Variants in GFOD2 observed in about 807,000 individuals in gnomAD.
The protein encoded by GFOD2 is glucose-fructose oxidoreductase domain-containing protein 2.
Under a neutral mutation model 24.6 loss-of-function variants are expected in GFOD2, and 9 were observed. The ratio of observed to expected loss-of-function variants is 0.37; its 90% CI spans 0.22 to 0.64. The LOEUF is 0.64. Among genes scored for constraint, GFOD2 ranks in the 30% least tolerant of loss-of-function variants. The pLI is 0.65. For synonymous variants in GFOD2, 211 were observed against 224.8 expected (o/e 0.94, Z 0.55); for missense variants, 476 against 532.5 (o/e 0.89, Z 1.04).
intron 1 of GFOD2, among the ~76,000 whole-genome samples, chr16:67,708,096 T>C (rs2053450632): frequency 6.6e-6 from 1 of 152,206 alleles, no homozygotes; most frequent in Non-Finnish European, 1.5e-5. Flanking sequence ...TACATGGTGG[T>C]ACAACTGTCA....
rs762980341 is a variant in GFOD2, at chr16:67,685,635, C to T, written c.81G>A (p.Gly27=). The T allele has an allele frequency of 5.6e-6, 9 of 1,614,058 alleles. No homozygotes were observed. The highest frequency in any genetic ancestry group is 7.6e-6 in the Non-Finnish European group (9 of 1,180,052). The change falls in exon 2 of 3, where the codon GGG becomes GGA. Residue 27 remains glycine (G), a synonymous_variant. Coordinates refer to ENST00000268797, the MANE Select transcript of GFOD2 (RefSeq NM_030819.4). ...RVLVPLLRAE[G]FTVEALWGKT... ...TCCCCCACAGGGCCTCAACAGTGAA[C>T]CCTTCTGCCCTCAGCAGTGGGACCA...
chr16:67,691,053 G>C (rs568460786), intron 1 of GFOD2, among the ~76,000 whole-genome samples: 1 of 152,062 alleles, frequency 6.6e-6, no homozygotes, highest in Non-Finnish European at 1.5e-5. Context: ...TAGTAGAGAT[G>C]GGGTTTCACC....
intron 1 of GFOD2, among the ~76,000 whole-genome samples, chr16:67,690,355 T>C (rs1412017240): frequency 6.6e-6 from 1 of 152,130 alleles, no homozygotes; most frequent in African/African-American, 2.4e-5. Flanking sequence ...GTGTTTTTTG[T>C]TGGTTAGCCG....
intron 1 of GFOD2, among the ~76,000 whole-genome samples, chr16:67,691,065 T>C (rs1261285676): frequency 3.3e-5 from 5 of 152,180 alleles, no homozygotes; most frequent in Non-Finnish European, 7.3e-5. Flanking sequence ...GGTTTCACCA[T>C]GTTGGCCAGG....
chr16:67,696,044 C>A (rs1461340063), intron 1 of GFOD2, among the ~76,000 whole-genome samples: 1 of 148,898 alleles, frequency 6.7e-6, no homozygotes, highest in Non-Finnish European at 1.5e-5. Context: ...GAGTTTCGCT[C>A]TTTTTGCCCA....
intron 2 of GFOD2, among the ~76,000 whole-genome samples, chr16:67,679,572 A>C (rs899126238): frequency 1.3e-5 from 2 of 151,742 alleles, no homozygotes; most frequent in African/African-American, 4.8e-5. Context: ...AATCTGATTT[A>C]GTTTCTTCTT....
At chr16:67,691,151 A>G (rs1403579166) in intron 1 of GFOD2, among the ~76,000 whole-genome samples, 2 of 152,198 alleles carry the variant, frequency 1.3e-5, no homozygotes, top group Non-Finnish European at 2.9e-5. Flanking sequence ...GGTGTGAGCC[A>G]CTGTGCCTGG....
intron 1 of GFOD2, among the ~76,000 whole-genome samples, chr16:67,690,304 T>G (rs2053301392): frequency 6.6e-6 from 1 of 152,190 alleles, no homozygotes; most frequent in African/African-American, 2.4e-5. Flanking sequence ...GTGCAAGACT[T>G]CTGATTTCTC....
intron 1 of GFOD2, among the ~76,000 whole-genome samples, chr16:67,697,444 A>C (rs950316684): frequency 2.0e-5 from 3 of 152,178 alleles, no homozygotes; most frequent in Non-Finnish European, 2.9e-5. Context: ...TTCTGAGCTA[A>C]TATGAAGTGA....
intron 2 of GFOD2, 160 bp from the exon 3 acceptor site, chr16:67,676,213 G>A: frequency 1.5e-6 from 1 of 680,694 alleles, no homozygotes; most frequent in Non-Finnish European, 2.4e-6. Context: ...GCCCAGGCTA[G>A]TCTCAATCTC....
chr16:67,709,477 T>C (rs1202721672), intron 1 of GFOD2, among the ~76,000 whole-genome samples: 1 of 152,092 alleles, frequency 6.6e-6, no homozygotes, highest in Non-Finnish European at 1.5e-5. Context: ...CAAACAGATA[T>C]AGTTTCTGCT....
intron 2 of GFOD2, chr16:67,684,659 G>A: frequency 1.3e-6 from 1 of 753,362 alleles, no homozygotes; most frequent in Non-Finnish European, 1.6e-6. Context: ...TTGCGCCATT[G>A]AACTCCAGCC....
intron 1 of GFOD2, among the ~76,000 whole-genome samples, chr16:67,701,841 A>G (rs2053404390): frequency 6.6e-6 from 1 of 151,728 alleles, no homozygotes; most frequent in South Asian, 2.1e-4. Context: ...GAGAAACTGC[A>G]GTGTCCTTAA....
At chr16:67,696,259 C>T (rs2053358431) in intron 1 of GFOD2, among the ~76,000 whole-genome samples, 1 of 149,072 alleles carries the variant, frequency 6.7e-6, no homozygotes, top group South Asian at 2.1e-4. Context: ...GTGATCTGCC[C>T]GCCTCAGCCT....
At chr16:67,689,164 T>C (rs2142994574) in intron 1 of GFOD2, among the ~76,000 whole-genome samples, 1 of 151,434 alleles carries the variant, frequency 6.6e-6, no homozygotes, top group East Asian at 2.0e-4. Flanking sequence ...CTCAGCCACA[T>C]GATAGCTGGG....
chr16:67,698,288 C>T (rs975195320), intron 1 of GFOD2, among the ~76,000 whole-genome samples: 2 of 152,158 alleles, frequency 1.3e-5, no homozygotes, highest in African/African-American at 4.8e-5. Flanking sequence ...TCCGTCATTG[C>T]ACCTAGGGTG....
intron 1 of GFOD2, among the ~76,000 whole-genome samples, chr16:67,694,458 G>C (rs1267659422): frequency 2.0e-5 from 3 of 151,786 alleles, no homozygotes; most frequent in Admixed American, 1.3e-4. Flanking sequence ...TAATAAAAAA[G>C]TTTTTTTTAA....
chr16:67,709,421 A>C (rs1279729084), intron 1 of GFOD2, among the ~76,000 whole-genome samples: 1 of 152,224 alleles, frequency 6.6e-6, no homozygotes, highest in Non-Finnish European at 1.5e-5. Flanking sequence ...TATTAAGCAC[A>C]GACTATGAGC....
intron 1 of GFOD2, among the ~76,000 whole-genome samples, chr16:67,696,534 C>T (rs900574281): frequency 9.2e-5 from 14 of 152,044 alleles, no homozygotes; most frequent in Non-Finnish European, 1.3e-4. Context: ...AGTGCAGTGG[C>T]GCGCTCTTGG....
Sources: gnomAD v4.1 joint callset for allele counts (sites outside exome capture counted in the v4.1 genomes callset) on GRCh38, gnomAD v4.1.1 for gene constraint, MANE v1.5 for transcripts, NCBI Gene and HGNC (gene_info 2026-07-23, HGNC 2026-07-21) for gene names.